The following FYB1 variants were observed in gnomAD, a reference collection of about 807,000 sequenced individuals.
The protein encoded by FYB1 is FYN binding protein 1, also known as FYN-binding protein 1.
In FYB1, 41 loss-of-function variants were observed where a neutral mutation model predicts 94.1. The ratio of observed to expected loss-of-function variants is 0.44; its 90% CI spans 0.34 to 0.57. The LOEUF is 0.57. Ranked by LOEUF, FYB1 falls within the 20% of genes least tolerant of loss-of-function variation. The pLI is 0.02. For synonymous variants in FYB1, 367 were observed against 353.2 expected, an observed-to-expected ratio of 1.04 and a Z score of -0.44; for missense variants, 1,050 against 976.8, an observed-to-expected ratio of 1.07 and a Z score of -1.00.
chr5:39,187,420 G>A (rs1287181076), intron 2 of FYB1, among the ~76,000 whole-genome samples: 3 of 152,152 alleles, frequency 2.0e-5, no homozygotes, highest in Non-Finnish European at 4.4e-5. Flanking sequence ...TGTAAGTACC[G>A]TATAAGCCTA....
At chr5:39,184,156 A>G (rs1412121119) in intron 2 of FYB1, among the ~76,000 whole-genome samples, 1 of 152,220 alleles carries the variant, frequency 6.6e-6, no homozygotes, top group Non-Finnish European at 1.5e-5. Context: ...TGATCTTATA[A>G]GAAAATGTGA....
At chr5:39,258,554 C>T (rs1286443462) in intron 1 of FYB1, among the ~76,000 whole-genome samples, 2 of 152,010 alleles carry the variant, frequency 1.3e-5, no homozygotes, top group African/African-American at 2.4e-5. Context: ...GAGCTGAGAT[C>T]GTGCCACTGC....
chr5:39,237,916 C>T (rs745332537), intron 1 of FYB1, among the ~76,000 whole-genome samples: 25 of 152,098 alleles, frequency 1.6e-4, no homozygotes, highest in Admixed American at 3.3e-4. Context: ...GTTTCAATCT[C>T]CTTTCTCTTT....
intron 1 of FYB1, among the ~76,000 whole-genome samples, chr5:39,272,351 AC>A (rs1440002742): frequency 6.6e-6 from 1 of 152,042 alleles, no homozygotes; most frequent in Non-Finnish European, 1.5e-5. Context: ...CAACATGTTT[AC>A]CCCATGTACT....
intron 1 of FYB1, among the ~76,000 whole-genome samples, chr5:39,216,787 C>G (rs3928472): frequency 0.64 from 96,834 of 151,964 alleles, 35,380 homozygotes; most frequent in Non-Finnish European, 0.82. Context: ...TGGTCACAGG[C>G]AGCATGTGAA....
intron 1 of FYB1, among the ~76,000 whole-genome samples, chr5:39,233,047 T>C (rs1750816239): frequency 6.6e-6 from 1 of 152,162 alleles, no homozygotes; most frequent in Non-Finnish European, 1.5e-5. Flanking sequence ...TGTGTCTTTA[T>C]AGCAGCATGA....
chr5:39,273,025 G>A (rs1473227170), intron 1 of FYB1, among the ~76,000 whole-genome samples: 1 of 152,204 alleles, frequency 6.6e-6, no homozygotes, highest in Non-Finnish European at 1.5e-5. Flanking sequence ...AGGGAGGTGG[G>A]GGGCGCCTCC....
intron 3 of FYB1, among the ~76,000 whole-genome samples, chr5:39,147,647 C>T (rs1477906948): frequency 6.6e-6 from 1 of 151,026 alleles, no homozygotes; most frequent in Non-Finnish European, 1.5e-5. Flanking sequence ...CTTCTGGGAA[C>T]AGCTTTAGGA....
chr5:39,190,761 T>G (rs1407378211), intron 2 of FYB1, among the ~76,000 whole-genome samples: 1 of 121,286 alleles, frequency 8.2e-6, no homozygotes, highest in East Asian at 2.2e-4. Flanking sequence ...GAGCAAACCA[T>G]GCTTATTTGT....
In FYB1 at chr5:39,243,692, C is replaced by A. The variant is rs1416252158; in HGVS notation, c.-28+30711G>T. ...ATTCTGTGAAGAAAGTCATTGGTAGCTGGATGGGGATGGCATTGAATCTCT... is the reference window on the plus strand; with the variant it reads ...ATTCTGTGAAGAAAGTCATTGGTAGATGGATGGGGATGGCATTGAATCTCT... On this transcript the variant is annotated intron_variant, in intron 1 of 1. Coordinates refer to the FYB1 transcript ENST00000510188. 3.3e-5 allele frequency among the ~76,000 whole-genome samples: 5 copies of A among 152,180 alleles called. 1 individual carries two copies. In the South Asian group the frequency reaches 6.2e-4, roughly 19 times the overall value.
chr5:39,273,541 C>T (rs1752722198), intron 1 of FYB1, among the ~76,000 whole-genome samples: 1 of 152,156 alleles, frequency 6.6e-6, no homozygotes, highest in African/African-American at 2.4e-5. Context: ...CATAGTGATA[C>T]CATCTGAAAA....
At chr5:39,188,420 T>C (rs1002983247) in intron 2 of FYB1, among the ~76,000 whole-genome samples, 7 of 152,096 alleles carry the variant, frequency 4.6e-5, no homozygotes, top group African/African-American at 1.2e-4. Flanking sequence ...AAGAAAAATA[T>C]CTATGGCTTA....
chr5:39,127,077 A>G (rs1740743085), intron 11 of FYB1, among the ~76,000 whole-genome samples: 1 of 150,296 alleles, frequency 6.7e-6, no homozygotes, highest in Non-Finnish European at 1.5e-5. Flanking sequence ...AAAAAAAAAA[A>G]AAAAAAGAAA....
At chr5:39,145,877 C>T (rs1048083934) in intron 3 of FYB1, among the ~76,000 whole-genome samples, 1 of 151,682 alleles carries the variant, frequency 6.6e-6, no homozygotes, top group Non-Finnish European at 1.5e-5. Flanking sequence ...TTCTCAGCAT[C>T]CCCTGCTTGT....
At chr5:39,108,363 A>C in intron 17 of FYB1, 101 bp from the exon 18 acceptor site, 1 of 1,079,696 alleles carries the variant, frequency 9.3e-7, no homozygotes, top group Non-Finnish European at 1.3e-6. Context: ...TATAAGACAC[A>C]ATTAAGACTT....
At chr5:39,265,640 A>G (rs1286572037) in intron 1 of FYB1, among the ~76,000 whole-genome samples, 3 of 152,144 alleles carry the variant, frequency 2.0e-5, no homozygotes, top group Non-Finnish European at 2.9e-5. Flanking sequence ...CTGGGCAACA[A>G]GAGCAAAACT....
chr5:39,273,130 G>C (rs1483162556), intron 1 of FYB1, among the ~76,000 whole-genome samples: 1 of 152,144 alleles, frequency 6.6e-6, no homozygotes, highest in Admixed American at 6.5e-5. Context: ...CCACCACCCC[G>C]TCTGGGAGGT....
chr5:39,195,366 A>G (rs77675134), intron 2 of FYB1, among the ~76,000 whole-genome samples: 1,812 of 152,342 alleles, frequency 0.012, 47 homozygotes, highest in African/African-American at 0.041. Flanking sequence ...TAATAAGGTC[A>G]TGTTAAGAGA....
Position 39,148,418 on chromosome 5 carries a change from T to TTTA in FYB1, c.1292+5029_1292+5030insTAA, listed in dbSNP as rs1561176307. On this transcript the variant is annotated intron_variant, in intron 3 of 18. Transcript: ENST00000512982. Reference sequence around the variant, plus strand: ...TTTTTTTTTTTTTTTTTTTTTTTTTTAAAGAAGGAGGAAGAAATCTACATG... The same window carrying TTTA: ...TTTTTTTTTTTTTTTTTTTTTTTTTTTTAAAAGAAGGAGGAAGAAATCTACATG... Among the ~76,000 whole-genome samples the TTTA allele has an allele frequency of 1.5e-4, 17 of 114,924 alleles. 1 individual carries two copies. The highest frequency in any genetic ancestry group is 2.5e-4 in the Non-Finnish European group (14 of 56,726). 75.4% of individuals were successfully genotyped at this position (114,924 alleles called of 152,430 possible).
Sources: gnomAD v4.1 joint callset for allele counts (sites outside exome capture counted in the v4.1 genomes callset) on GRCh38, gnomAD v4.1.1 for gene constraint, MANE v1.5 for transcripts, NCBI Gene and HGNC (gene_info 2026-07-23, HGNC 2026-07-21) for gene names.